TMEM243: variants seen among roughly 807,000 people sequenced by gnomAD.
TMEM243 encodes MDR1 and mitochondrial taxol resistance associated.
In TMEM243, 20 loss-of-function variants were observed where a neutral mutation model predicts 15.0. That is an observed-to-expected ratio of 1.33 (90% CI 0.94 to 1.93). The LOEUF (loss-of-function observed/expected upper bound fraction) is 1.93, where lower values mean the gene tolerates loss of function less well. Ranked by LOEUF, TMEM243 falls within the 30% of genes most tolerant of loss-of-function variation. The pLI is 0.00. For synonymous variants in TMEM243, 72 were observed against 52.7 expected (o/e 1.37, Z -1.59); for missense variants, 156 against 142.1 (o/e 1.10, Z -0.50).
chr7:87,219,323 A>T (rs1400840321), intron 1 of TMEM243, 103 bp downstream of exon 1: 1 of 1,116,854 alleles, frequency 9.0e-7, no homozygotes, highest in African/African-American at 1.6e-5. Context: ...TTCCTCCCTA[A>T]AAGTGCTTTT....
At chr7:87,208,986 T>C (rs1246933691) in intron 1 of TMEM243, among the ~76,000 whole-genome samples, 1 of 152,228 alleles carries the variant, frequency 6.6e-6, no homozygotes, top group Non-Finnish European at 1.5e-5. Flanking sequence ...CTAACTGGGC[T>C]TACTACAAAC....
intron 1 of TMEM243, chr7:87,216,875 G>A (rs529344482): frequency 1.3e-5 from 2 of 152,230 alleles, no homozygotes; most frequent in Non-Finnish European, 2.9e-5. Context: ...AAGGGAGTTA[G>A]TGAAGCATTA....
At chr7:87,211,895 A>G (rs1802779514) in intron 1 of TMEM243, among the ~76,000 whole-genome samples, 2 of 152,220 alleles carry the variant, frequency 1.3e-5, no homozygotes. Context: ...GAGACTTCCC[A>G]AAGCAACACC....
At chr7:87,204,517 GTAAA>G (rs140099862) in intron 1 of TMEM243, among the ~76,000 whole-genome samples, 6,913 of 152,296 alleles carry the variant, frequency 0.045, 191 homozygotes, top group Middle Eastern at 0.071. Context: ...CGGGCATTGA[GTAAA>G]TACACACATT....
upstream of TMEM243, chr7:87,220,433 C>A (rs543015712): frequency 2.0e-5 from 3 of 152,274 alleles, no homozygotes; most frequent in Admixed American, 2.0e-4. Flanking sequence ...TGGGTCCACA[C>A]CCCCGCCGGG....
At chr7:87,206,867 C>T (rs985459687) in intron 1 of TMEM243, among the ~76,000 whole-genome samples, 4 of 152,182 alleles carry the variant, frequency 2.6e-5, no homozygotes, top group African/African-American at 7.2e-5. Flanking sequence ...AAATGGCCAA[C>T]GGTATTTTCT....
chr7:87,197,782 G>T, intron 3 of TMEM243, 159 bp downstream of exon 3: 1 of 1,460,398 alleles, frequency 6.8e-7, no homozygotes, highest in Non-Finnish European at 9.0e-7. Context: ...AAAAGGAGAA[G>T]ACTCAGATTT....
rs1045042762 is a variant in TMEM243, at chr7:87,219,676, G to A, written c.-173C>T. ...GTGGGGGCTCACACGCGGGGAACGC[G>A]ACTGCTCCGCCCCGGCCCCGCGCAC... On this transcript the variant is annotated 5_prime_UTR_variant, in exon 1 of 4. Transcript: ENST00000257637. 9.7e-6 allele frequency: 6 copies of A among 618,048 alleles called. No homozygotes were observed. Among genetic ancestry groups the A allele is most frequent in the East Asian group, 8.3e-5 (3 of 35,966 alleles). 38.3% of individuals were successfully genotyped at this position (618,048 alleles called of 1,614,324 possible).
chr7:87,196,510 C>T lies in TMEM243; in HGVS notation c.*126G>A, dbSNP rs986543011. ...CCTTGCAAGAGGGAATTAACATTTA[C>T]AATTAACATGAAAATCATGTATCAG... On this transcript the variant is annotated 3_prime_UTR_variant, in exon 4 of 4. Coordinates refer to ENST00000257637, the MANE Select transcript of TMEM243 (RefSeq NM_024315.4). 7 of 977,042 alleles carry T rather than the reference C, an allele frequency of 7.2e-6. No homozygotes were observed. The highest frequency in any genetic ancestry group is 2.1e-4 in the Middle Eastern group (1 of 4,770). 60.5% of individuals were successfully genotyped at this position (977,042 alleles called of 1,614,324 possible).
At chr7:87,213,346 CA>C (rs1223188085) in intron 1 of TMEM243, among the ~76,000 whole-genome samples, 2 of 152,228 alleles carry the variant, frequency 1.3e-5, no homozygotes, top group East Asian at 1.9e-4. Context: ...CTAGCACACA[CA>C]AAAAAAGGCA....
chr7:87,200,674 T>C (rs1031829073), intron 1 of TMEM243, among the ~76,000 whole-genome samples: 6 of 152,050 alleles, frequency 3.9e-5, no homozygotes, highest in Admixed American at 6.5e-5. Flanking sequence ...AATCCTCTCT[T>C]TAAAAATTCT....
intron 1 of TMEM243, among the ~76,000 whole-genome samples, chr7:87,209,584 GAC>G (rs1208478081): frequency 6.0e-5 from 9 of 149,114 alleles, no homozygotes; most frequent in Admixed American, 6.6e-5. Context: ...CAGTGAGAGA[GAC>G]AGTGAGACAG....
At chr7:87,197,278 T>TCTC (rs1357201043) in intron 3 of TMEM243, among the ~76,000 whole-genome samples, 1 of 152,044 alleles carries the variant, frequency 6.6e-6, no homozygotes, top group Non-Finnish European at 1.5e-5. Flanking sequence ...CTTGGAGGTG[T>TCTC]CTCCTGGTTT....
chr7:87,199,824 G>C (rs965198204), intron 1 of TMEM243, among the ~76,000 whole-genome samples: 1 of 152,168 alleles, frequency 6.6e-6, no homozygotes, highest in African/African-American at 2.4e-5. Context: ...TTTGAAACCA[G>C]AGATTCCTAA....
intron 1 of TMEM243, among the ~76,000 whole-genome samples, chr7:87,202,609 TG>T (rs1350015592): frequency 1.3e-5 from 2 of 152,182 alleles, no homozygotes; most frequent in East Asian, 3.8e-4. Flanking sequence ...TCCAGAAGAC[TG>T]ACTTGCCAAA....
intron 1 of TMEM243, 84 bp from the exon 2 acceptor site, chr7:87,199,141 T>A: frequency 1.7e-6 from 2 of 1,160,042 alleles, no homozygotes; most frequent in Non-Finnish European, 2.4e-6. Context: ...TTTGGATGGT[T>A]TACTATAAAG....
intron 1 of TMEM243, among the ~76,000 whole-genome samples, chr7:87,212,160 C>T (rs1012126547): frequency 9.2e-5 from 14 of 152,168 alleles, no homozygotes; most frequent in African/African-American, 3.4e-4. Flanking sequence ...GAGTATCTGA[C>T]ATTCAGTAGA....
intron 1 of TMEM243, among the ~76,000 whole-genome samples, chr7:87,218,048 C>T (rs1803234181): frequency 6.6e-6 from 1 of 152,250 alleles, no homozygotes; most frequent in East Asian, 1.9e-4. Context: ...GTTCTTGGGA[C>T]AGATGGACAA....
rs921848865 is a variant in TMEM243, at chr7:87,199,795, A to G, written c.79-738T>C. Among the ~76,000 whole-genome samples the G allele has an allele frequency of 9.2e-5, 14 of 152,276 alleles. No homozygotes were observed. In the South Asian group the frequency reaches 2.9e-3, roughly 32 times the overall value. ...GTGGTTAAATTATTTTCTAAGAGTC[A>G]TAACAAGTTAGAAGCAATTTTGAAA... On this transcript the variant is annotated intron_variant, in intron 1 of 3. Transcript: ENST00000257637.
Sources: allele counts gnomAD v4.1 joint callset (sites outside exome capture counted in the v4.1 genomes callset), GRCh38; gene constraint gnomAD v4.1.1; transcripts MANE v1.5; gene names NCBI Gene and HGNC (gene_info 2026-07-23, HGNC 2026-07-21).